The following SGCZ variants were observed in gnomAD, a reference collection of about 807,000 sequenced individuals.
SGCZ encodes zeta-sarcoglycan.
A neutral mutation model predicts 41.3 loss-of-function variants in SGCZ; 40 were observed. The ratio of observed to expected loss-of-function variants is 0.97; its 90% confidence interval spans 0.75 to 1.26. SGCZ has a LOEUF of 1.26. Ranked by LOEUF, SGCZ falls within the 50% of genes most tolerant of loss-of-function variation. The pLI, the probability that SGCZ is intolerant of heterozygous loss-of-function variation, is 0.00. For synonymous variants in SGCZ, 206 were observed against 137.5 expected, an observed-to-expected ratio of 1.50 and a Z score of -3.49; for missense variants, 552 against 369.8, an observed-to-expected ratio of 1.49 and a Z score of -4.04.
chr8:14,383,856 C>T (rs1230194277), intron 2 of SGCZ, among the ~76,000 whole-genome samples: 1 of 151,960 alleles, frequency 6.6e-6, no homozygotes, highest in Non-Finnish European at 1.5e-5. Context: ...CATTATTTGG[C>T]AGGAAGAGTG....
chr8:14,586,324 GTGTC>G (rs1805056525), intron 1 of SGCZ, among the ~76,000 whole-genome samples: 1 of 151,866 alleles, frequency 6.6e-6, no homozygotes, highest in Non-Finnish European at 1.5e-5. Context: ...AGTGATTCTT[GTGTC>G]TCAGACTCCC....
intron 1 of SGCZ, among the ~76,000 whole-genome samples, chr8:15,115,455 G>C (rs1281986302): frequency 1.3e-5 from 2 of 152,174 alleles, no homozygotes; most frequent in East Asian, 3.8e-4. Context: ...TTTGCCTCCT[G>C]AGAGTCCAGA....
At chr8:15,121,838 T>C (rs1158186463) in intron 1 of SGCZ, among the ~76,000 whole-genome samples, 2 of 148,024 alleles carry the variant, frequency 1.4e-5, no homozygotes, top group African/African-American at 5.0e-5. Flanking sequence ...CAGTATGTTC[T>C]GGAAAAATAT....
At position 15,231,742 on chromosome 8, in the gene SGCZ, C is replaced by G. The variant is rs182236749; in HGVS notation, c.39+5843G>C. 4.6e-5 allele frequency among the ~76,000 whole-genome samples: 7 copies of G among 151,364 alleles called. No homozygotes were observed. The East Asian group carries it at 1.4e-3, about 29-fold the overall frequency. On this transcript the variant is annotated intron_variant, in intron 1 of 7. Coordinates refer to ENST00000382080, the MANE Select transcript of SGCZ (RefSeq NM_139167.4). ...CTTCAAGCAATTCTCTCGCCTCAAC[C>G]TCCCGAGTAGCTGGGAGTACAGAAG...
chr8:14,562,994 A>C (rs1480122655), intron 1 of SGCZ, among the ~76,000 whole-genome samples: 1 of 152,202 alleles, frequency 6.6e-6, no homozygotes, highest in Non-Finnish European at 1.5e-5. Flanking sequence ...TAATTATTAT[A>C]ATCCAAAGAG....
chr8:14,666,700 A>C (rs1434791793), intron 1 of SGCZ, among the ~76,000 whole-genome samples: 1 of 151,810 alleles, frequency 6.6e-6, no homozygotes, highest in Non-Finnish European at 1.5e-5. Flanking sequence ...AAAAAAAAAA[A>C]AGAATTGAAT....
intron 2 of SGCZ, among the ~76,000 whole-genome samples, chr8:14,536,677 C>A (rs909900182): frequency 6.6e-6 from 1 of 151,602 alleles, no homozygotes; most frequent in Non-Finnish European, 1.5e-5. Flanking sequence ...TTCCTTTGAC[C>A]CTGGTATATG....
At chr8:14,807,915 G>A (rs1213345706) in intron 1 of SGCZ, among the ~76,000 whole-genome samples, 1 of 151,930 alleles carries the variant, frequency 6.6e-6, no homozygotes, top group East Asian at 1.9e-4. Flanking sequence ...AGAGCCCTCA[G>A]AAATAACGCC....
chr8:14,600,148 T>C (rs1805539660), intron 1 of SGCZ, among the ~76,000 whole-genome samples: 1 of 152,108 alleles, frequency 6.6e-6, no homozygotes, highest in Non-Finnish European at 1.5e-5. Flanking sequence ...CATGGTTTCT[T>C]TACTTGGACT....
At chr8:14,787,539 T>C (rs142569379) in intron 1 of SGCZ, among the ~76,000 whole-genome samples, 60 of 152,216 alleles carry the variant, frequency 3.9e-4, no homozygotes, top group African/African-American at 1.3e-3. Context: ...CTGAGTTTTA[T>C]CCTAATTAAG....
At chr8:14,287,324 G>C (rs1202544297) in intron 3 of SGCZ, among the ~76,000 whole-genome samples, 2 of 151,994 alleles carry the variant, frequency 1.3e-5, no homozygotes, top group East Asian at 1.9e-4. Flanking sequence ...TTATGTGTCA[G>C]TTTAAGTTGA....
chr8:14,244,783 T>C (rs1799024992), intron 3 of SGCZ, among the ~76,000 whole-genome samples: 1 of 152,144 alleles, frequency 6.6e-6, no homozygotes, highest in Admixed American at 6.5e-5. Flanking sequence ...CAGTGGTTTG[T>C]AGTTCTCCTT....
chr8:14,867,464 G>A (rs954238592), intron 1 of SGCZ, among the ~76,000 whole-genome samples: 3 of 152,028 alleles, frequency 2.0e-5, no homozygotes, highest in East Asian at 1.9e-4. Context: ...TTGGGCATAC[G>A]TCCAGTAGCA....
intron 1 of SGCZ, among the ~76,000 whole-genome samples, chr8:15,026,349 T>C (rs144398296): frequency 1.0e-3 from 159 of 152,258 alleles, no homozygotes; most frequent in African/African-American, 3.7e-3. Context: ...ACACTGACAT[T>C]TTCCGGAACA....
At chr8:14,599,452 C>T (rs1262370511) in intron 1 of SGCZ, among the ~76,000 whole-genome samples, 1 of 152,176 alleles carries the variant, frequency 6.6e-6, no homozygotes, top group African/African-American at 2.4e-5. Flanking sequence ...TGACTGGTCT[C>T]CCATTAATTT....
intron 2 of SGCZ, among the ~76,000 whole-genome samples, chr8:14,428,832 T>C (rs1052099132): frequency 6.6e-6 from 1 of 152,214 alleles, no homozygotes; most frequent in Non-Finnish European, 1.5e-5. Flanking sequence ...CATGTAGATA[T>C]AAGTTCACAT....
At position 14,258,348 on chromosome 8, in the gene SGCZ, T is replaced by C. The variant is rs192422916; in HGVS notation, c.337-20669A>G. Among the ~76,000 whole-genome samples, 5 of 152,296 alleles carry C rather than the reference T, an allele frequency of 3.3e-5. No homozygotes were observed. In the East Asian group the frequency reaches 9.7e-4, roughly 29 times the overall value. On this transcript the variant is annotated intron_variant, in intron 3 of 7. Transcript: ENST00000382080. ...GGCAATGTATTAGTCCTCTGCACTC[T>C]GCAAACACATGCCCTGTACTTCCCT...
chr8:14,709,854 C>A (rs1289861156), intron 1 of SGCZ, among the ~76,000 whole-genome samples: 1 of 148,768 alleles, frequency 6.7e-6, no homozygotes, highest in Non-Finnish European at 1.5e-5. Context: ...GTATCTGTTG[C>A]AATCTACACT....
chr8:14,639,556 C>A (rs1171437186), intron 1 of SGCZ, among the ~76,000 whole-genome samples: 1 of 151,682 alleles, frequency 6.6e-6, no homozygotes, highest in African/African-American at 2.4e-5. Flanking sequence ...CAATAGTATT[C>A]ATAGTTAATA....
Sources: gnomAD v4.1 joint callset for allele counts (sites outside exome capture counted in the v4.1 genomes callset) on GRCh38, gnomAD v4.1.1 for gene constraint, MANE v1.5 for transcripts, NCBI Gene and HGNC (gene_info 2026-07-23, HGNC 2026-07-21) for gene names.